The following EDA variants were observed in gnomAD, a reference collection of about 807,000 sequenced individuals.
EDA encodes the protein ectodysplasin-A.
A neutral mutation model predicts 23.6 loss-of-function variants in EDA; 2 were observed. The ratio of observed to expected loss-of-function variants is 0.08; its 90% CI spans 0.03 to 0.27. The LOEUF is 0.27. Ranked by LOEUF, EDA falls within the 10% of genes least tolerant of loss-of-function variation. The pLI, the probability that EDA is intolerant of heterozygous loss-of-function variation, is 1.00. For synonymous variants in EDA, 131 were observed against 132.0 expected, an observed-to-expected ratio of 0.99 and a Z score of 0.05; for missense variants, 229 against 324.2, an observed-to-expected ratio of 0.71 and a Z score of 2.26.
chrX:69,641,672 T>C (rs1445179891), intron 1 of EDA, among the ~76,000 whole-genome samples: 1 of 111,816 alleles, frequency 8.9e-6, no homozygotes, highest in African/African-American at 3.3e-5. Context: ...TAACTTTATA[T>C]GGAGGGATAT....
intron 1 of EDA, among the ~76,000 whole-genome samples, chrX:69,848,559 C>A (rs2017055230): frequency 9.0e-6 from 1 of 111,718 alleles, no homozygotes; most frequent in African/African-American, 3.3e-5. Context: ...ACTTTACTGT[C>A]CCCCATACAA....
chrX:69,941,991 A>C (rs1328967126), intron 1 of EDA, among the ~76,000 whole-genome samples: 1 of 111,416 alleles, frequency 9.0e-6, no homozygotes, highest in African/African-American at 3.3e-5. Flanking sequence ...ATAATATCTT[A>C]TAACCATTTA....
At chrX:69,904,991 G>T in intron 1 of EDA, among the ~76,000 whole-genome samples, 1 of 112,203 alleles carries the variant, frequency 8.9e-6, no homozygotes, top group East Asian at 2.8e-4. Context: ...ATAAACATGG[G>T]AGAGCAGATA....
At chrX:70,014,926 T>C (rs2019925906) in intron 2 of EDA, among the ~76,000 whole-genome samples, 1 of 111,639 alleles carries the variant, frequency 9.0e-6, no homozygotes, top group Non-Finnish European at 1.9e-5. Context: ...TGTAAAGACA[T>C]CAAATCTAAC....
chrX:69,914,314 A>G (rs2018310880), intron 1 of EDA, among the ~76,000 whole-genome samples: 1 of 111,793 alleles, frequency 8.9e-6, no homozygotes, highest in African/African-American at 3.3e-5. Context: ...ATCCTGTAAT[A>G]TATCTACTCA....
intron 1 of EDA, among the ~76,000 whole-genome samples, chrX:69,767,164 A>G (rs1216006942): frequency 8.9e-6 from 1 of 111,838 alleles, no homozygotes; most frequent in Non-Finnish European, 1.9e-5. Context: ...AAGTAGTAAC[A>G]TAATTACTAG....
intron 1 of EDA, among the ~76,000 whole-genome samples, chrX:69,762,220 G>C (rs772621867): frequency 1.8e-5 from 2 of 111,823 alleles, no homozygotes; most frequent in East Asian, 5.6e-4. Flanking sequence ...TAGTCTAGAT[G>C]CCAAAGGTTT....
intron 1 of EDA, among the ~76,000 whole-genome samples, chrX:69,825,260 T>A (rs1480278534): frequency 3.3e-5 from 3 of 91,521 alleles, no homozygotes; most frequent in Admixed American, 1.2e-4. Context: ...TTGGAATAGT[T>A]TCAGAAGGAA....
intron 1 of EDA, among the ~76,000 whole-genome samples, chrX:69,863,026 T>G (rs2017412861): frequency 1.1e-5 from 1 of 89,856 alleles, no homozygotes; most frequent in Non-Finnish European, 2.3e-5. Context: ...GGAAAGAAAA[T>G]AGATCTTTAT....
At chrX:69,729,398 C>T (rs1276799558) in intron 1 of EDA, among the ~76,000 whole-genome samples, 1 of 111,349 alleles carries the variant, frequency 9.0e-6, no homozygotes, top group Non-Finnish European at 1.9e-5. Context: ...CTTCACACTC[C>T]ATAGCCAACC....
chrX:69,916,466 G>A (rs967225310), intron 1 of EDA, among the ~76,000 whole-genome samples: 6 of 97,835 alleles, frequency 6.1e-5, no homozygotes, highest in Admixed American at 1.2e-4. Context: ...GCAGTGGCGC[G>A]ATCTTGGCTC....
chrX:69,944,819 C>T (rs1285133277), intron 1 of EDA, among the ~76,000 whole-genome samples: 1 of 112,156 alleles, frequency 8.9e-6, no homozygotes, highest in African/African-American at 3.2e-5. Flanking sequence ...CTTTAGCCTA[C>T]AGTATTAGGG....
At chrX:69,860,843 C>T (rs1291001163) in intron 1 of EDA, 1 of 523,880 alleles carries the variant, frequency 1.9e-6, no homozygotes, top group East Asian at 3.6e-5. Context: ...TTCTATTCTC[C>T]CCATCTCTTT....
At chrX:69,763,147 T>C (rs2014363959) in intron 1 of EDA, among the ~76,000 whole-genome samples, 1 of 112,334 alleles carries the variant, frequency 8.9e-6, no homozygotes, top group African/African-American at 3.2e-5. Flanking sequence ...TATGTCCTTT[T>C]ATGAATTCAT....
intron 1 of EDA, among the ~76,000 whole-genome samples, chrX:69,787,442 T>C (rs765804719): frequency 9.4e-6 from 1 of 106,778 alleles, no homozygotes; most frequent in Admixed American, 1.0e-4. Context: ...GTTGTTCCTT[T>C]CCATGTTTAG....
At chrX:69,655,647 C>A (rs1249276960) in intron 1 of EDA, among the ~76,000 whole-genome samples, 1 of 104,107 alleles carries the variant, frequency 9.6e-6, no homozygotes, top group Non-Finnish European at 1.9e-5. Flanking sequence ...TTGGATAAAT[C>A]TGAAGGATTT....
At chrX:69,943,439 C>T (rs2018790320) in intron 1 of EDA, among the ~76,000 whole-genome samples, 1 of 111,722 alleles carries the variant, frequency 9.0e-6, no homozygotes, top group Non-Finnish European at 1.9e-5. Flanking sequence ...AGAGGTACCA[C>T]CTGGTGGTCA....
At chrX:69,692,478 G>T (rs943646868) in intron 1 of EDA, among the ~76,000 whole-genome samples, 2 of 111,625 alleles carry the variant, frequency 1.8e-5, no homozygotes, top group African/African-American at 6.5e-5. Flanking sequence ...GAATGAATGA[G>T]AAAAATTCAT....
At chrX:69,993,499 G>A (rs748627140) in intron 2 of EDA, among the ~76,000 whole-genome samples, 48 of 111,889 alleles carry the variant, frequency 4.3e-4, no homozygotes, top group Non-Finnish European at 8.3e-4. Flanking sequence ...CATTTTAGAG[G>A]TAAGAATGCT....
Sources: gnomAD v4.1 joint callset for allele counts (sites outside exome capture counted in the v4.1 genomes callset) on GRCh38, gnomAD v4.1.1 for gene constraint, MANE v1.5 for transcripts, NCBI Gene and HGNC (gene_info 2026-07-23, HGNC 2026-07-21) for gene names.